SEMA3E: variants seen among roughly 807,000 people sequenced by gnomAD.
SEMA3E encodes the protein semaphorin 3E.
SEMA3E carries 49 observed loss-of-function variants against 93.6 expected under a neutral mutation model. That is an observed-to-expected ratio of 0.52 (90% confidence interval 0.42 to 0.66). SEMA3E has a LOEUF of 0.66. SEMA3E is among the 30% of genes least tolerant of loss of function. The pLI is 0.00. For synonymous variants in SEMA3E, 363 were observed against 330.7 expected, an observed-to-expected ratio of 1.10 and a Z score of -1.06; for missense variants, 906 against 964.8, an observed-to-expected ratio of 0.94 and a Z score of 0.81.
chr7:83,598,380 C>T (rs1217608059), intron 1 of SEMA3E, among the ~76,000 whole-genome samples: 2 of 152,048 alleles, frequency 1.3e-5, no homozygotes, highest in Non-Finnish European at 2.9e-5. Context: ...ATAAATGATG[C>T]CATTTTATTC....
chr7:83,465,152 C>G (rs1421901934), intron 4 of SEMA3E, among the ~76,000 whole-genome samples: 3 of 152,006 alleles, frequency 2.0e-5, no homozygotes, highest in Non-Finnish European at 4.4e-5. Flanking sequence ...CATCCTGGCT[C>G]AAAAAACACC....
At chr7:83,595,067 T>C (rs919006006) in intron 1 of SEMA3E, among the ~76,000 whole-genome samples, 3 of 151,784 alleles carry the variant, frequency 2.0e-5, no homozygotes, top group African/African-American at 7.3e-5. Flanking sequence ...AGGTTGAGGG[T>C]AAAGCAGCTT....
Position 83,616,538 on chromosome 7 carries a change from A to G in SEMA3E, c.115+31890T>C, listed in dbSNP as rs1458655837. The G allele has an allele frequency of 5.1e-5, 14 of 275,860 alleles. No individual in the cohort carries two copies. The East Asian group carries it at 7.7e-4, about 15-fold the overall frequency. 17.1% of individuals were successfully genotyped at this position (275,860 alleles called of 1,614,324 possible). A position where few individuals can be genotyped will look rare whatever the true frequency, so the allele number is the denominator to read the frequency against. On this transcript the variant is annotated intron_variant, in intron 1 of 16. Transcript: ENST00000643230. ...AAACTGGCTCCAGTCTACTTATTCA[A>G]TGATATTCCCTGCTGTTTTTCAAAA... is the stretch of plus-strand genomic sequence containing the variant.
At chr7:83,588,779 A>G (rs1312184632) in intron 1 of SEMA3E, among the ~76,000 whole-genome samples, 1 of 152,222 alleles carries the variant, frequency 6.6e-6, no homozygotes, top group Non-Finnish European at 1.5e-5. Context: ...TCATAACAAT[A>G]AAAAGCAAGA....
At chr7:83,644,768 A>G (rs1794058794) in intron 1 of SEMA3E, among the ~76,000 whole-genome samples, 1 of 151,764 alleles carries the variant, frequency 6.6e-6, no homozygotes. Context: ...ACTAATTAAC[A>G]CTCTATCACA....
intron 1 of SEMA3E, among the ~76,000 whole-genome samples, chr7:83,507,278 T>C (rs1437909622): frequency 1.3e-5 from 2 of 152,104 alleles, no homozygotes; most frequent in African/African-American, 2.4e-5. Context: ...TTTTCTGCCA[T>C]GATTAAGAAG....
At chr7:83,619,692 C>A (rs550618382) in intron 1 of SEMA3E, among the ~76,000 whole-genome samples, 2 of 151,640 alleles carry the variant, frequency 1.3e-5, no homozygotes, top group African/African-American at 4.8e-5. Context: ...ATCACACTTG[C>A]CTTGAATTTG....
intron 4 of SEMA3E, among the ~76,000 whole-genome samples, chr7:83,430,977 A>G (rs1179282201): frequency 1.3e-5 from 2 of 152,308 alleles, no homozygotes; most frequent in African/African-American, 4.8e-5. Context: ...ACTGAGTTGA[A>G]CAAAATAGAA....
chr7:83,430,048 T>C (rs889659105), intron 4 of SEMA3E, among the ~76,000 whole-genome samples: 1 of 152,200 alleles, frequency 6.6e-6, no homozygotes, highest in Admixed American at 6.5e-5. Context: ...AAGCTTATGT[T>C]CCAAGCTTAC....
At chr7:83,560,097 A>T (rs967754993) in intron 1 of SEMA3E, among the ~76,000 whole-genome samples, 10 of 152,008 alleles carry the variant, frequency 6.6e-5, no homozygotes, top group Non-Finnish European at 1.5e-4. Context: ...ACAAAAGAGG[A>T]CGTTTAGGGA....
At chr7:83,395,254 A>C (rs10251241) in intron 12 of SEMA3E, among the ~76,000 whole-genome samples, 148,068 of 152,148 alleles carry the variant, frequency 0.97, 72,184 homozygotes, top group East Asian at 1. Flanking sequence ...GCAAAATAAA[A>C]AAAAGCATAG....
At position 83,434,983 on chromosome 7, in the gene SEMA3E, G is replaced by C. The variant is rs559808308; in HGVS notation, c.457-16500C>G. ...CCGCCTCGGCCTCCCAAAGTGCTGG[G>C]ATTACAGGCGTGAGCCACCGCGCCC... On this transcript the variant is annotated intron_variant, in intron 4 of 16. Transcript: ENST00000643230. Among the ~76,000 whole-genome samples the C allele has an allele frequency of 3.9e-5, 6 of 152,090 alleles. No homozygotes were observed. The South Asian group carries it at 1.2e-3, about 32-fold the overall frequency.
At chr7:83,413,039 C>T (rs951756227) in intron 5 of SEMA3E, among the ~76,000 whole-genome samples, 1 of 151,980 alleles carries the variant, frequency 6.6e-6, no homozygotes, top group Admixed American at 6.6e-5. Flanking sequence ...GAAAATAAGA[C>T]AATCATTTGA....
At chr7:83,481,394 CG>C (rs1022134803) in intron 2 of SEMA3E, among the ~76,000 whole-genome samples, 33 of 151,964 alleles carry the variant, frequency 2.2e-4, no homozygotes, top group African/African-American at 8.0e-4. Flanking sequence ...AACAAAAACA[CG>C]TTTTTTTTCA....
At chr7:83,500,576 A>ATCTAACTT (rs1316018602) in intron 1 of SEMA3E, among the ~76,000 whole-genome samples, 57 of 144,258 alleles carry the variant, frequency 4.0e-4, no homozygotes, top group African/African-American at 1.4e-3. Flanking sequence ...CTATACATCT[A>ATCTAACTT]TCTAACTTTC....
intron 1 of SEMA3E, among the ~76,000 whole-genome samples, chr7:83,528,817 G>A (rs1470933310): frequency 6.6e-6 from 1 of 151,956 alleles, no homozygotes; most frequent in African/African-American, 2.4e-5. Flanking sequence ...CAAAAAGGAT[G>A]CAATAACATT....
intron 1 of SEMA3E, among the ~76,000 whole-genome samples, chr7:83,516,806 T>C (rs1205403330): frequency 7.2e-5 from 11 of 151,994 alleles, no homozygotes; most frequent in Non-Finnish European, 2.9e-5. Flanking sequence ...AACTATATCA[T>C]AAAAGTCAAA....
At chr7:83,463,257 A>C (rs28843468) in intron 4 of SEMA3E, among the ~76,000 whole-genome samples, 24,140 of 150,822 alleles carry the variant, frequency 0.16, 2,012 homozygotes, top group African/African-American at 0.21. Flanking sequence ...TGTAGCCTTT[A>C]TGTCCAAACA....
chr7:83,611,876 A>T (rs79692861), intron 1 of SEMA3E, among the ~76,000 whole-genome samples: 14,780 of 152,078 alleles, frequency 0.097, 934 homozygotes, highest in South Asian at 0.18. Context: ...AAACTCTTTA[A>T]TGGCTTTCCA....
Sources: gnomAD v4.1 joint callset for allele counts (sites outside exome capture counted in the v4.1 genomes callset) on GRCh38, gnomAD v4.1.1 for gene constraint, MANE v1.5 for transcripts, NCBI Gene and HGNC (gene_info 2026-07-23, HGNC 2026-07-21) for gene names.